The following AGO1 variants were observed in gnomAD, a reference collection of about 807,000 sequenced individuals.
AGO1 encodes the protein protein argonaute-1.
In AGO1, 11 loss-of-function variants were observed where a neutral mutation model predicts 109.2. That is an observed-to-expected ratio of 0.10 (90% CI 0.06 to 0.17). The LOEUF (loss-of-function observed/expected upper bound fraction) is 0.17, where lower values mean the gene tolerates loss of function less well. Among genes scored for constraint, AGO1 ranks in the 10% least tolerant of loss-of-function variants. The pLI, the probability that AGO1 is intolerant of heterozygous loss-of-function variation, is 1.00. For synonymous variants in AGO1, 422 were observed against 418.6 expected (o/e 1.01, Z -0.10); for missense variants, 574 against 1,140.3 (o/e 0.50, Z 7.15).
intron 8 of AGO1, among the ~76,000 whole-genome samples, chr1:35,900,654 G>A (rs1261165733): frequency 6.6e-6 from 1 of 152,208 alleles, no homozygotes; most frequent in Non-Finnish European, 1.5e-5. Flanking sequence ...TTGAACCTGG[G>A]AGGTGAAGGT....
rs776166589 is a variant in AGO1 at position 35,883,439 on chromosome 1, G to A, written c.18G>A (p.Ser6=). 19 of 1,569,138 alleles carry A rather than the reference G, an allele frequency of 1.2e-5. No individual in the cohort carries two copies. The highest frequency in any genetic ancestry group is 1.6e-5 in the Non-Finnish European group (18 of 1,161,176). Residue 6 remains serine (S), a synonymous_variant, in exon 1 of 19, where the codon TCG becomes TCA. Transcript: ENST00000373204. The surrounding 1 kb of genome is among the most constrained non-coding windows in gnomAD (Gnocchi z 5.4). The part of the protein sequence containing the change: MEAGP[S]GAAAGAYLPP... Reference sequence around the variant, plus strand: ...TATATGGGATGGAAGCGGGACCCTCGGGAGCAGGTAAGGGTCCCCAGGAGG... The same window carrying A: ...TATATGGGATGGAAGCGGGACCCTCAGGAGCAGGTAAGGGTCCCCAGGAGG...
chr1:35,879,479 T>C (rs753846541), upstream of AGO1, among the ~76,000 whole-genome samples: 1 of 149,768 alleles, frequency 6.7e-6, no homozygotes, highest in Non-Finnish European at 1.5e-5. Context: ...AAAATGCAGC[T>C]GGGCGCAGTG....
upstream of AGO1, among the ~76,000 whole-genome samples, chr1:35,881,733 GA>G (rs1199964949): frequency 6.6e-6 from 1 of 152,212 alleles, no homozygotes; most frequent in African/African-American, 2.4e-5. Flanking sequence ...CATGAGTAAG[GA>G]CCGGTTATGG....
intron 8 of AGO1, among the ~76,000 whole-genome samples, chr1:35,898,401 C>T (rs1364643326): frequency 6.6e-6 from 1 of 151,964 alleles, no homozygotes; most frequent in Non-Finnish European, 1.5e-5. Flanking sequence ...GGAATGCAGG[C>T]GCCGACCACC....
At chr1:35,896,179 A>G (rs919802348) in intron 8 of AGO1, among the ~76,000 whole-genome samples, 3 of 152,000 alleles carry the variant, frequency 2.0e-5, no homozygotes, top group Non-Finnish European at 4.4e-5. Context: ...TTGTATTTTT[A>G]GTAGAGACGG....
At chr1:35,905,055 A>T (rs1343391229) in intron 11 of AGO1, among the ~76,000 whole-genome samples, 1 of 152,214 alleles carries the variant, frequency 6.6e-6, no homozygotes, top group Non-Finnish European at 1.5e-5. Context: ...ATGGGATTTT[A>T]GGACCTTCCT....
chr1:35,916,336 A>G (rs1645735038), intron 15 of AGO1, among the ~76,000 whole-genome samples: 1 of 152,114 alleles, frequency 6.6e-6, no homozygotes, highest in South Asian at 2.1e-4. Flanking sequence ...CTGATTCCAT[A>G]GTTTATGCTC....
chr1:35,893,639 G>T lies in AGO1; in HGVS notation c.513-35G>T. On this transcript the variant is annotated intron_variant, in intron 4 of 18. Transcript: ENST00000373204. This position sits in a 1 kb window ranked among gnomAD's most constrained non-coding sequence, Gnocchi z 5.6. ...GATGCCTCACAGGGTGGGGGCCTGT[G>T]CCCGAGGGACCAGTTCTCTGCCTGT... is the stretch of plus-strand genomic sequence containing the variant. 6.3e-7 allele frequency: 1 copy of T among 1,583,050 alleles called. No individual in the cohort carries two copies.
At position 35,894,302 on chromosome 1, in the gene AGO1, G is replaced by A. The variant is rs201418017; in HGVS notation, c.785-13G>A. 30 of 1,614,022 alleles carry A rather than the reference G, an allele frequency of 1.9e-5. No homozygotes were observed. In the African/African-American group the frequency reaches 3.6e-4, roughly 19 times the overall value. ...ACCTATTTTAGCCCTGACAAGCAGT[G>A]TGTGTATCTCAGGCCTGAAGGTGGA... is the stretch of plus-strand genomic sequence containing the variant. On this transcript the variant is annotated splice_polypyrimidine_tract_variant and intron_variant, in intron 6 of 18. Transcript: ENST00000373204.
Position 35,927,447 on chromosome 1 carries a change from T to C in AGO1, c.*7840T>C, listed in dbSNP as rs769579976. 6.6e-6 allele frequency: 1 copy of C among 152,156 alleles called. No individual in the cohort carries two copies. The highest frequency in any genetic ancestry group is 1.5e-5 in the Non-Finnish European group (1 of 68,016). 9.4% of individuals were successfully genotyped at this position (152,156 alleles called of 1,614,324 possible). ...GCCAGTTCGCCTCATGGTCCCAATATGGCTACTGTAATTCTGGGAAGGAAA... is the reference window on the plus strand; with the variant it reads ...GCCAGTTCGCCTCATGGTCCCAATACGGCTACTGTAATTCTGGGAAGGAAA... On this transcript the variant is annotated 3_prime_UTR_variant, in exon 19 of 19. Transcript: ENST00000373204.
intron 12 of AGO1, among the ~76,000 whole-genome samples, chr1:35,910,005 T>C (rs747096705): frequency 3.9e-5 from 6 of 152,006 alleles, no homozygotes; most frequent in Non-Finnish European, 5.9e-5. Flanking sequence ...GGCTCAATTA[T>C]GTTACACTTC....
At chr1:35,881,409 C>A (rs1321877945), upstream of AGO1, among the ~76,000 whole-genome samples, 3 of 152,208 alleles carry the variant, frequency 2.0e-5, no homozygotes, top group African/African-American at 7.2e-5. Flanking sequence ...CAACCTCCCC[C>A]TCCCCGGTTC....
intron 1 of AGO1, among the ~76,000 whole-genome samples, chr1:35,884,375 A>G (rs977052973): frequency 6.6e-6 from 1 of 152,154 alleles, no homozygotes; most frequent in Admixed American, 6.5e-5. Context: ...AATCAAGGAC[A>G]GGGCAGGGGC....
At chr1:35,880,482 C>T (rs762872788), upstream of AGO1, among the ~76,000 whole-genome samples, 1 of 152,076 alleles carries the variant, frequency 6.6e-6, no homozygotes, top group Non-Finnish European at 1.5e-5. Context: ...GAATTACTTG[C>T]GCCTGAGAGG....
Position 35,895,301 on chromosome 1 carries a change from G to C in AGO1, c.1020+32G>C, listed in dbSNP as rs746285723. The C allele has an allele frequency of 4.4e-6, 7 of 1,601,794 alleles. No individual in the cohort carries two copies. The Admixed American group carries it at 5.1e-5, about 12-fold the overall frequency. On this transcript the variant is annotated intron_variant, in intron 8 of 18. Transcript: ENST00000373204. ...TTGCCAAGTAATGGCTGGGGAATAG[G>C]CATTGTATATACCTGCATGCTGATC...
chr1:35,893,181 C>T lies in AGO1; in HGVS notation c.415C>T (p.Arg139Ter). 6.2e-7 allele frequency: 1 copy of T among 1,614,074 alleles called. No homozygotes were observed. Among genetic ancestry groups the T allele is most frequent in the Non-Finnish European group, 8.5e-7 (1 of 1,180,006 alleles). ...SIKWLAIVSWRMLHEALVSGQ... is the reference protein window; with the variant it reads ...SIKWLAIVSW ...CAAGTGGCTAGCCATTGTGAGCTGG[C>T]GAATGCTGCATGAGGCCCTGGTCAG... The change falls in exon 4 of 19, where the codon CGA (arginine) becomes TGA (stop). Residue 139 changes from arginine (R) to a stop codon, truncating the protein, a stop_gained. Transcript: ENST00000373204. LOFTEE classifies it high-confidence loss of function. This position sits in a 1 kb window ranked among gnomAD's most constrained non-coding sequence, Gnocchi z 5.6.
chr1:35,901,910 C>A lies in AGO1; in HGVS notation c.1141-38C>A. ...CCAGAGGGTGAGCAGTATTGCCAAG[C>A]TCCTGTTCTCCTGAGATTGCTCTCT... On this transcript the variant is annotated intron_variant, in intron 9 of 18. Coordinates refer to ENST00000373204, the MANE Select transcript of AGO1 (RefSeq NM_012199.5). The surrounding 1 kb of genome is among the most constrained non-coding windows in gnomAD (Gnocchi z 4.8). 1 of 1,550,726 alleles carries A rather than the reference C, an allele frequency of 6.4e-7. No individual in the cohort carries two copies. Among genetic ancestry groups the A allele is most frequent in the Non-Finnish European group, 8.7e-7 (1 of 1,149,268 alleles).
At chr1:35,898,945 C>G (rs1025697048) in intron 8 of AGO1, among the ~76,000 whole-genome samples, 2 of 152,184 alleles carry the variant, frequency 1.3e-5, no homozygotes, top group Non-Finnish European at 2.9e-5. Flanking sequence ...GTATACAGTT[C>G]TGTGGCATTA....
Position 35,893,807 on chromosome 1 carries a change from G to A in AGO1, c.646G>A (p.Asp216Asn). The A allele has an allele frequency of 1.9e-6, 3 of 1,612,602 alleles. No individual in the cohort carries two copies. The highest frequency in any genetic ancestry group is 2.5e-6 in the Non-Finnish European group (3 of 1,179,116). ...PAMWKMMLNI[D>N]VSATAFYKAQ... is the part of the protein sequence containing the mutation. ...CATGTGGAAGATGATGCTCAACATTGATGGTGAGTGGGGAGAGCTATGGAG... is the reference window on the plus strand; with the variant it reads ...CATGTGGAAGATGATGCTCAACATTAATGGTGAGTGGGGAGAGCTATGGAG... The change falls in exon 5 of 19, where the codon GAT becomes AAT. Residue 216 changes from aspartate to asparagine, a missense_variant. Coordinates refer to ENST00000373204, the MANE Select transcript of AGO1 (RefSeq NM_012199.5). The surrounding 1 kb of genome is among the most constrained non-coding windows in gnomAD (Gnocchi z 5.6).
Sources: allele counts gnomAD v4.1 joint callset (sites outside exome capture counted in the v4.1 genomes callset), GRCh38; gene constraint gnomAD v4.1.1; non-coding constraint Gnocchi (gnomAD v3.1); transcripts MANE v1.5; gene names NCBI Gene and HGNC (gene_info 2026-07-23, HGNC 2026-07-21).